The following FA2H variants were observed in gnomAD, a reference collection of about 807,000 sequenced individuals.
FA2H encodes the protein fatty acid alpha-hydroxylase.
In FA2H, 22 loss-of-function variants were observed where a neutral mutation model predicts 44.9. That is an observed-to-expected ratio of 0.49 (90% confidence interval 0.35 to 0.70). The LOEUF (loss-of-function observed/expected upper bound fraction) is 0.70, where lower values mean the gene tolerates loss of function less well. Among genes scored for constraint, FA2H ranks in the 30% least tolerant of loss-of-function variants. The pLI, the probability that FA2H is intolerant of heterozygous loss-of-function variation, is 0.01. For missense variants in FA2H, 501 were observed against 504.9 expected (o/e 0.99, Z 0.07); for synonymous variants, 243 against 213.2 (o/e 1.14, Z -1.22).
chr16:74,760,657 T>A (rs1017739308), intron 1 of FA2H, among the ~76,000 whole-genome samples: 12 of 152,180 alleles, frequency 7.9e-5, no homozygotes, highest in Admixed American at 2.0e-4. Flanking sequence ...AGAAGACAAG[T>A]TTATGAAGTC....
At chr16:74,716,854 G>C in intron 5 of FA2H, 1 of 517,066 alleles carries the variant, frequency 1.9e-6, no homozygotes, top group South Asian at 2.5e-5. Flanking sequence ...GGGATGGGCA[G>C]GATGGGCAGG....
intron 6 of FA2H, 117 bp downstream of exon 6, chr16:74,716,230 C>T (rs1243168704): frequency 9.2e-6 from 11 of 1,200,556 alleles, no homozygotes; most frequent in Non-Finnish European, 1.3e-5. Context: ...AGAGGGAACC[C>T]TCTGTATATG....
At chr16:74,729,239 A>G (rs990656899) in intron 2 of FA2H, among the ~76,000 whole-genome samples, 1 of 152,016 alleles carries the variant, frequency 6.6e-6, no homozygotes, top group Non-Finnish European at 1.5e-5. Flanking sequence ...CAATCTCCCG[A>G]TCCTCGTGAT....
chr16:74,766,959 T>C (rs1353893031), intron 1 of FA2H, among the ~76,000 whole-genome samples: 1 of 151,532 alleles, frequency 6.6e-6, no homozygotes, highest in Non-Finnish European at 1.5e-5. Context: ...TGCTAGGTGC[T>C]GGAAGAGTTC....
intron 2 of FA2H, among the ~76,000 whole-genome samples, chr16:74,731,391 G>C (rs573074800): frequency 1.3e-5 from 2 of 150,138 alleles, no homozygotes; most frequent in Non-Finnish European, 3.0e-5. Context: ...GATTCTACCC[G>C]CTTCCACCTC....
chr16:74,731,391 G>A (rs573074800), intron 2 of FA2H, among the ~76,000 whole-genome samples: 28 of 150,138 alleles, frequency 1.9e-4, no homozygotes, highest in Admixed American at 6.7e-4. Context: ...GATTCTACCC[G>A]CTTCCACCTC....
chr16:74,757,678 C>T (rs1157514640), intron 1 of FA2H, among the ~76,000 whole-genome samples: 1 of 152,170 alleles, frequency 6.6e-6, no homozygotes, highest in African/African-American at 2.4e-5. Flanking sequence ...AGTTGTCAAG[C>T]AGTCTGCCTC....
chr16:74,755,454 TTGTTTTAAGCCATCC>T (rs1351566915), intron 1 of FA2H, among the ~76,000 whole-genome samples: 2 of 152,118 alleles, frequency 1.3e-5, no homozygotes, highest in African/African-American at 4.8e-5. Flanking sequence ...TGCATTTCTG[TTGTTTTAAGCCATCC>T]TGTGTACGGT....
At chr16:74,752,493 C>T (rs1234122400) in intron 1 of FA2H, among the ~76,000 whole-genome samples, 1 of 152,174 alleles carries the variant, frequency 6.6e-6, no homozygotes, top group Non-Finnish European at 1.5e-5. Context: ...GCCTTTGCAC[C>T]TGCTGTTCCC....
At chr16:74,738,717 TC>T (rs1475731023) in intron 2 of FA2H, among the ~76,000 whole-genome samples, 1 of 151,884 alleles carries the variant, frequency 6.6e-6, no homozygotes, top group Non-Finnish European at 1.5e-5. Context: ...CCCTCATCAG[TC>T]CCCAAACTCT....
At chr16:74,715,748 G>A (rs921587816) in intron 6 of FA2H, among the ~76,000 whole-genome samples, 8 of 151,916 alleles carry the variant, frequency 5.3e-5, no homozygotes, top group Non-Finnish European at 1.2e-4. Context: ...TATGTCAGTG[G>A]AAATCGCTGG....
At chr16:74,764,849 C>T (rs1366798866) in intron 1 of FA2H, among the ~76,000 whole-genome samples, 3 of 152,102 alleles carry the variant, frequency 2.0e-5, no homozygotes, top group Admixed American at 6.5e-5. Flanking sequence ...GAAACCCAGG[C>T]AACCTGGGAC....
At chr16:74,737,314 A>T (rs1962201157) in intron 2 of FA2H, among the ~76,000 whole-genome samples, 1 of 152,066 alleles carries the variant, frequency 6.6e-6, no homozygotes, top group Admixed American at 6.5e-5. Flanking sequence ...ACAGGGAGGG[A>T]TGTGGAGGGT....
At chr16:74,725,552 A>C (rs1421758041) in intron 4 of FA2H, among the ~76,000 whole-genome samples, 2 of 152,262 alleles carry the variant, frequency 1.3e-5, no homozygotes, top group Admixed American at 1.3e-4. Flanking sequence ...TCCACATCCT[A>C]GCCACACGCC....
At chr16:74,773,191 A>C (rs1457082695) in intron 1 of FA2H, among the ~76,000 whole-genome samples, 1 of 152,174 alleles carries the variant, frequency 6.6e-6, no homozygotes, top group African/African-American at 2.4e-5. Flanking sequence ...TTATCATCTT[A>C]CATTATCACA....
chr16:74,753,301 G>C (rs1333668639), intron 1 of FA2H, among the ~76,000 whole-genome samples: 1 of 152,228 alleles, frequency 6.6e-6, no homozygotes. Flanking sequence ...GAGGGCAAGA[G>C]CATGGGCTGC....
intron 2 of FA2H, among the ~76,000 whole-genome samples, chr16:74,737,071 G>A (rs1206753117): frequency 6.6e-6 from 1 of 152,208 alleles, no homozygotes; most frequent in South Asian, 2.1e-4. Context: ...CTCCGCTGCT[G>A]AGCATCTGGG....
chr16:74,754,187 G>C (rs1567647388), intron 1 of FA2H, among the ~76,000 whole-genome samples: 1 of 152,188 alleles, frequency 6.6e-6, no homozygotes, highest in Non-Finnish European at 1.5e-5. Context: ...CTTGAGGTCG[G>C]GAGTTCAAGA....
At chr16:74,727,106 A>G in intron 3 of FA2H, 138 bp downstream of exon 3, 2 of 1,190,890 alleles carry the variant, frequency 1.7e-6, no homozygotes, top group Admixed American at 2.0e-5. Flanking sequence ...TTCCCATGGC[A>G]TGTTCCTCCC....
Sources: allele counts gnomAD v4.1 joint callset (sites outside exome capture counted in the v4.1 genomes callset), GRCh38; gene constraint gnomAD v4.1.1; transcripts MANE v1.5; gene names NCBI Gene and HGNC (gene_info 2026-07-23, HGNC 2026-07-21).